CLASP2: variants seen among roughly 807,000 people sequenced by gnomAD.
The protein encoded by CLASP2 is cytoplasmic linker associated protein 2.
A neutral mutation model predicts 194.4 loss-of-function variants in CLASP2; 47 were observed. That is an observed-to-expected ratio of 0.24 (90% CI 0.19 to 0.31). The LOEUF is 0.31. Ranked by LOEUF, CLASP2 falls within the 10% of genes least tolerant of loss-of-function variation. The pLI, the probability that CLASP2 is intolerant of heterozygous loss-of-function variation, is 1.00. For missense variants in CLASP2, 1,445 were observed against 1,823.6 expected, an observed-to-expected ratio of 0.79 and a Z score of 3.78; for synonymous variants, 619 against 633.5, an observed-to-expected ratio of 0.98 and a Z score of 0.34.
At chr3:33,517,654 C>T (rs1363456825) in intron 34 of CLASP2, among the ~76,000 whole-genome samples, 6 of 152,154 alleles carry the variant, frequency 3.9e-5, no homozygotes, top group Non-Finnish European at 7.4e-5. Flanking sequence ...GTAAACTTCT[C>T]CATAAATCAT....
chr3:33,564,425 C>A (rs1430634647), intron 27 of CLASP2, among the ~76,000 whole-genome samples: 2 of 152,140 alleles, frequency 1.3e-5, no homozygotes, highest in East Asian at 3.8e-4. Flanking sequence ...TCTGACATAT[C>A]CAAAGCTTAT....
At chr3:33,584,976 G>A in intron 21 of CLASP2, 56 bp from the exon 22 acceptor site, 1 of 1,478,976 alleles carries the variant, frequency 6.8e-7, no homozygotes, top group Non-Finnish European at 9.2e-7. Flanking sequence ...AGAATTTGCT[G>A]AAAGGATAAA....
intron 2 of CLASP2, among the ~76,000 whole-genome samples, chr3:33,696,309 T>C (rs2091892432): frequency 6.7e-6 from 1 of 150,156 alleles, no homozygotes; most frequent in Non-Finnish European, 1.5e-5. Context: ...TTGTGGCATT[T>C]CACAAAATAG....
intron 24 of CLASP2, chr3:33,574,490 C>G: frequency 6.6e-7 from 1 of 1,509,644 alleles, no homozygotes; most frequent in Non-Finnish European, 8.9e-7. Flanking sequence ...CGTATGTCTC[C>G]TAAGAGCTGA....
In CLASP2 at chr3:33,530,451, C is replaced by CA. The variant is rs2055995677; in HGVS notation, c.3787+4781dup. Among the ~76,000 whole-genome samples the CA allele has an allele frequency of 2.0e-5, 3 of 152,126 alleles. No individual in the cohort carries two copies. In the South Asian group the frequency reaches 6.2e-4, roughly 31 times the overall value. ...TGCCACTGCACTCCAGCCTAGGTGA[C>CA]AGAGTAAGACCCTGTCTCAAAAATA... On this transcript the variant is annotated intron_variant, in intron 34 of 38. Coordinates refer to ENST00000682230, the MANE Select transcript of CLASP2 (RefSeq NM_001365631.1).
chr3:33,548,157 T>C (rs1312208329), intron 30 of CLASP2, among the ~76,000 whole-genome samples: 2 of 152,110 alleles, frequency 1.3e-5, no homozygotes, highest in South Asian at 2.1e-4. Flanking sequence ...TCAGTTTTGG[T>C]AGTTTGTATT....
chr3:33,674,934 G>A (rs1263003832), intron 6 of CLASP2, among the ~76,000 whole-genome samples: 3 of 152,106 alleles, frequency 2.0e-5, no homozygotes, highest in South Asian at 4.1e-4. Flanking sequence ...CTGAAATTGT[G>A]GCAATAATCA....
At chr3:33,525,757 G>T (rs1259148027) in intron 34 of CLASP2, among the ~76,000 whole-genome samples, 1 of 152,174 alleles carries the variant, frequency 6.6e-6, no homozygotes, top group Non-Finnish European at 1.5e-5. Context: ...CGGCAAAGTG[G>T]GAGGTTAGAC....
intron 2 of CLASP2, among the ~76,000 whole-genome samples, chr3:33,696,321 A>T (rs571297623): frequency 1.3e-5 from 2 of 151,044 alleles, no homozygotes; most frequent in Non-Finnish European, 3.0e-5. Flanking sequence ...ACAAAATAGT[A>T]AAAGATCCAG....
chr3:33,649,247 C>A (rs2082775445), intron 7 of CLASP2, among the ~76,000 whole-genome samples: 1 of 152,210 alleles, frequency 6.6e-6, no homozygotes, highest in Non-Finnish European at 1.5e-5. Context: ...TCACAAACTT[C>A]CCAACACCCT....
intron 6 of CLASP2, among the ~76,000 whole-genome samples, chr3:33,670,331 T>C (rs572459093): frequency 2.0e-5 from 3 of 152,346 alleles, no homozygotes; most frequent in Admixed American, 2.0e-4. Context: ...TTCATCTGTG[T>C]GGTGGATACA....
intron 1 of CLASP2, among the ~76,000 whole-genome samples, chr3:33,704,275 T>C (rs543604325): frequency 6.6e-6 from 1 of 152,298 alleles, no homozygotes; most frequent in East Asian, 1.9e-4. Context: ...AACAAGTGTA[T>C]CACTCTGGTA....
In CLASP2 at chr3:33,543,518, T is replaced by C; in HGVS notation, c.3319A>G (p.Thr1107Ala). The C allele has an allele frequency of 6.2e-7, 1 of 1,611,768 alleles. No homozygotes were observed. The highest frequency in any genetic ancestry group is 1.7e-4 in the Middle Eastern group (1 of 6,058). ...GCTGGTGATCGTGGTGTTGGTCTTG[T>C]CAAAGGACTCCCCATGGAACTCTGA... Reference protein sequence around the residue: ...GTQSSMGSPLTRPTPRSPANW... With the variant: ...GTQSSMGSPLARPTPRSPANW... The change falls in exon 32 of 39, where the codon ACA becomes GCA. Residue 1107 changes from threonine (T) to alanine (A), a missense_variant. Physicochemically the swap from Thr to Ala is moderately conservative, Grantham distance 58 (BLOSUM62 0). Transcript: ENST00000682230.
chr3:33,521,879 T>TC, intron 34 of CLASP2, among the ~76,000 whole-genome samples: 1 of 138,322 alleles, frequency 7.2e-6, no homozygotes, highest in East Asian at 2.3e-4. Context: ...AACTACCCAC[T>TC]CCCCCCTCCA....
intron 20 of CLASP2, among the ~76,000 whole-genome samples, chr3:33,594,167 T>C (rs747965608): frequency 6.6e-6 from 1 of 152,186 alleles, no homozygotes; most frequent in Non-Finnish European, 1.5e-5. Flanking sequence ...TTATACAGTA[T>C]TCCAATTTAA....
chr3:33,701,686 T>C (rs1395458001), intron 1 of CLASP2, among the ~76,000 whole-genome samples: 2 of 152,180 alleles, frequency 1.3e-5, no homozygotes, highest in African/African-American at 2.4e-5. Flanking sequence ...CTCCAACAAC[T>C]GTGCAAAGGC....
chr3:33,623,362 T>C lies in CLASP2; in HGVS notation c.1036-1082A>G, dbSNP rs1026149770. ...CTGTGCTGCCTAACACTGGATCTTA[T>C]TCTTGCTCTAACTGTATTTTTGTAC... On this transcript the variant is annotated intron_variant, in intron 10 of 38. Coordinates refer to ENST00000682230, the MANE Select transcript of CLASP2 (RefSeq NM_001365631.1). 9.2e-5 allele frequency among the ~76,000 whole-genome samples: 14 copies of C among 152,160 alleles called. 1 individual carries two copies. The highest frequency in any genetic ancestry group is 9.2e-4 in the Admixed American group (14 of 15,268).
At chr3:33,575,452 G>C (rs2064655914) in intron 24 of CLASP2, among the ~76,000 whole-genome samples, 1 of 151,326 alleles carries the variant, frequency 6.6e-6, no homozygotes, top group Non-Finnish European at 1.5e-5. Context: ...ACAAGTTCTG[G>C]GTAAGAAGCT....
chr3:33,683,258 T>G (rs770487278), intron 6 of CLASP2: 2 of 152,190 alleles, frequency 1.3e-5, no homozygotes, highest in Non-Finnish European at 2.9e-5. Context: ...CAAAAAATAT[T>G]ACAGGACCTT....
Sources: gnomAD v4.1 joint callset for allele counts (sites outside exome capture counted in the v4.1 genomes callset) on GRCh38, gnomAD v4.1.1 for gene constraint, MANE v1.5 for transcripts, NCBI Gene and HGNC (gene_info 2026-07-23, HGNC 2026-07-21) for gene names.